The following SOWAHB variants were observed in gnomAD, a reference collection of about 807,000 sequenced individuals.
SOWAHB encodes the protein sosondowah ankyrin repeat domain family member B, also known as ankyrin repeat domain-containing protein SOWAHB.
In SOWAHB, 17 loss-of-function variants were observed where a neutral mutation model predicts 18.3. The observed-to-expected ratio is 0.93, with a 90% confidence interval of 0.64 to 1.40. The LOEUF is 1.40. SOWAHB is among the 40% of genes most tolerant of loss of function. SOWAHB has a pLI of 0.00. For synonymous variants in SOWAHB, 496 were observed against 448.1 expected (o/e 1.11, Z -1.35); for missense variants, 1,126 against 1,033.7 (o/e 1.09, Z -1.22).
chr4:76,894,465 T>C lies in SOWAHB; in HGVS notation c.*1003A>G, dbSNP rs1006032740. On this transcript the variant is annotated 3_prime_UTR_variant, in exon 1 of 1. Transcript: ENST00000334306. ...TTAAAGGCTAATATTTAATCTTAAT[T>C]GGCAACAAGTTTAGTGCAAATACAA... is the stretch of plus-strand genomic sequence containing the variant. Among the ~76,000 whole-genome samples the C allele has an allele frequency of 1.1e-4, 17 of 152,198 alleles. No homozygotes were observed. The highest frequency in any genetic ancestry group is 4.1e-4 in the African/African-American group (17 of 41,454).
At position 76,896,731 on chromosome 4, in the gene SOWAHB, C is replaced by T; in HGVS notation, c.1119G>A (p.Trp373Ter). The change falls in exon 1 of 1, where the codon TGG becomes TGA. Residue 373 changes from tryptophan (W) to a stop codon, truncating the protein, a stop_gained. Coordinates refer to ENST00000334306, the MANE Select transcript of SOWAHB (RefSeq NM_001029870.3). LOFTEE classifies it low-confidence loss of function (END_TRUNC). The stretch of plus-strand genomic sequence containing the variant: ...AGACAGTCAATGAAGGGTTCCCCGC[C>T]CAGGATTCCCAGGACTCATCCGGAA... ...PVVPDESWES[W>*]AGNPSLTVFR... 1 of 1,613,936 alleles carries T rather than the reference C, an allele frequency of 6.2e-7. No homozygotes were observed. The highest frequency in any genetic ancestry group is 8.5e-7 in the Non-Finnish European group (1 of 1,180,014).
rs552512636 is a variant in SOWAHB at position 76,896,156 on chromosome 4, T to G, written c.1694A>C (p.His565Pro). The change falls in exon 1 of 1, where the codon CAC becomes CCC. Residue 565 changes from histidine to proline, a missense_variant. His to Pro is a moderately conservative substitution (Grantham distance 77, BLOSUM62 -2). Coordinates refer to ENST00000334306, the MANE Select transcript of SOWAHB (RefSeq NM_001029870.3). ...CTCCCCACTGGGGACCCACAGGCTG[T>G]GTCGCCAACCCCGCTCGGCCACAAC... ...KAVVAERGWR[H>P]SLWVPSGEGS... The G allele has an allele frequency of 1.3e-6, 2 of 1,559,426 alleles. No homozygotes were observed. Among genetic ancestry groups the G allele is most frequent in the Non-Finnish European group, 1.7e-6 (2 of 1,153,654 alleles).
chr4:76,897,981 A>G lies in SOWAHB; in HGVS notation c.-132T>C, dbSNP rs975170291. Reference sequence around the variant, plus strand: ...CACTAGCCGCCCCCATCAGCCGCGGAGGCCAGCGCTGCCCGCAGCCCGTGA... The same window carrying G: ...CACTAGCCGCCCCCATCAGCCGCGGGGGCCAGCGCTGCCCGCAGCCCGTGA... On this transcript the variant is annotated 5_prime_UTR_variant, in exon 1 of 1. Transcript: ENST00000334306. The surrounding 1 kb of genome is among the most constrained non-coding windows in gnomAD (Gnocchi z 6.4). 499 of 993,304 alleles carry G rather than the reference A, an allele frequency of 5.0e-4. No individual in the cohort carries two copies. Among genetic ancestry groups the G allele is most frequent in the Non-Finnish European group, 7.0e-4 (487 of 698,672 alleles). 61.5% of individuals were successfully genotyped at this position (993,304 alleles called of 1,614,324 possible). A position where few individuals can be genotyped will look rare whatever the true frequency, so the allele number is the denominator to read the frequency against.
chr4:76,896,267 C>G lies in SOWAHB; in HGVS notation c.1583G>C (p.Arg528Pro), dbSNP rs199835098. 6 of 1,604,298 alleles carry G rather than the reference C, an allele frequency of 3.7e-6. No homozygotes were observed. The highest frequency in any genetic ancestry group is 2.2e-5 in the East Asian group (1 of 44,622). Reference sequence around the variant, plus strand: ...TCCTGCCTTGGAGGGCTTCCTGGATCGAGGTGGGCGCCGACTTCTTTTCAG... The same window carrying G: ...TCCTGCCTTGGAGGGCTTCCTGGATGGAGGTGGGCGCCGACTTCTTTTCAG... The part of the protein sequence containing the change: ...GLLKRSRRPP[R>P]SRKPSKAGTA... Residue 528 changes from arginine to proline, a missense_variant, in exon 1 of 1, where the codon CGA becomes CCA. By Grantham distance (103) the Arg-to-Pro change is moderately radical. Coordinates refer to ENST00000334306, the MANE Select transcript of SOWAHB (RefSeq NM_001029870.3).
Position 76,897,523 on chromosome 4 carries a change from G to C in SOWAHB, c.327C>G (p.Gly109=), listed in dbSNP as rs762986991. The C allele has an allele frequency of 7.1e-7, 1 of 1,415,554 alleles. No individual in the cohort carries two copies. The highest frequency in any genetic ancestry group is 1.6e-5 in the South Asian group (1 of 64,446). 87.7% of individuals were successfully genotyped at this position (1,415,554 alleles called of 1,614,324 possible). A position where few individuals can be genotyped will look rare whatever the true frequency, so the allele number is the denominator to read the frequency against. Residue 109 remains glycine (G), a synonymous_variant, in exon 1 of 1, where the codon GGC becomes GGG. Transcript: ENST00000334306. The surrounding 1 kb of genome is among the most constrained non-coding windows in gnomAD (Gnocchi z 6.4). Reference sequence around the variant, plus strand: ...GCTGGGGCGGCTCCCCCCGGCGCGCGCCTCGCGGGGAGCAGGGCGCAGCTC... The same window carrying C: ...GCTGGGGCGGCTCCCCCCGGCGCGCCCCTCGCGGGGAGCAGGGCGCAGCTC... The part of the protein sequence containing the change: ...AGGAAPCSPR[G]ARRGEPPQQQ...
At position 76,896,628 on chromosome 4, in the gene SOWAHB, T is replaced by C. The variant is rs1266045174; in HGVS notation, c.1222A>G (p.Ser408Gly). The change falls in exon 1 of 1, where the codon AGC becomes GGC. Residue 408 changes from serine (S) to glycine (G), a missense_variant. Ser to Gly is a moderately conservative substitution (Grantham distance 56). Transcript: ENST00000334306. Reference protein sequence around the residue: ...VDQESDGSEESSSGPKDSPGA... With the variant: ...VDQESDGSEEGSSGPKDSPGA... The stretch of plus-strand genomic sequence containing the variant: ...GGGGAGTCTTTGGGCCCACTGCTGC[T>C]CTCCTCACTGCCATCACTCTCCTGG... 4 of 1,613,900 alleles carry C rather than the reference T, an allele frequency of 2.5e-6. No homozygotes were observed. Among genetic ancestry groups the C allele is most frequent in the Non-Finnish European group, 2.5e-6 (3 of 1,180,010 alleles).
Position 76,894,405 on chromosome 4 carries a change from T to G in SOWAHB, c.*1063A>C, listed in dbSNP as rs1719862584. ...AAGTTATCGGTCTCTTCAAAAGCAA[T>G]TAAAAAGGAGCACTTCATGTTAGAT... On this transcript the variant is annotated 3_prime_UTR_variant, in exon 1 of 1. Transcript: ENST00000334306. Among the ~76,000 whole-genome samples the G allele has an allele frequency of 6.6e-6, 1 of 152,200 alleles. No homozygotes were observed. Among genetic ancestry groups the G allele is most frequent in the Non-Finnish European group, 1.5e-5 (1 of 68,038 alleles).
rs2109845044 is a variant in SOWAHB, at chr4:76,896,787, A to G, written c.1063T>C (p.Cys355Arg). Reference sequence around the variant, plus strand: ...GGAAAGAGAGAGTGCGAGGAAAGACAGGGGTCTGGCGGCTCTGAATTAGGC... The same window carrying G: ...GGAAAGAGAGAGTGCGAGGAAAGACGGGGGTCTGGCGGCTCTGAATTAGGC... Reference protein sequence around the residue: ...TEPNSEPPDPCLSSHSLFPVV... With the variant: ...TEPNSEPPDPRLSSHSLFPVV... The change falls in exon 1 of 1, where the codon TGT (cysteine) becomes CGT (arginine). Residue 355 changes from cysteine (C) to arginine (R), a missense_variant. Coordinates refer to ENST00000334306, the MANE Select transcript of SOWAHB (RefSeq NM_001029870.3). The G allele has an allele frequency of 1.2e-6, 2 of 1,613,892 alleles. No individual in the cohort carries two copies. The highest frequency in any genetic ancestry group is 1.7e-6 in the Non-Finnish European group (2 of 1,180,016).
In SOWAHB at chr4:76,896,016, C is replaced by T; in HGVS notation, c.1834G>A (p.Val612Met). Residue 612 changes from valine to methionine, a missense_variant, in exon 1 of 1, where the codon GTG (valine) becomes ATG (methionine). Coordinates refer to ENST00000334306, the MANE Select transcript of SOWAHB (RefSeq NM_001029870.3). ...GGGTCCTCCCAGAACAAAGTCCACA[C>T]CTGAATCCAGGAGCCACTGGCAAGC... Reference protein sequence around the residue: ...VKLASGSWIQVWTLFWEDPQL... With the variant: ...VKLASGSWIQMWTLFWEDPQL... 2 of 1,613,112 alleles carry T rather than the reference C, an allele frequency of 1.2e-6. No homozygotes were observed. Among genetic ancestry groups the T allele is most frequent in the Non-Finnish European group, 1.7e-6 (2 of 1,179,736 alleles).
Position 76,897,601 on chromosome 4 carries a change from C to A in SOWAHB, c.249G>T (p.Glu83Asp). ...GCTCGCGGGGTCGCTGCAGCCCCTCCTCCCCCAAAAGGTCCCTGTATCTCC... is the reference window on the plus strand; with the variant it reads ...GCTCGCGGGGTCGCTGCAGCCCCTCATCCCCCAAAAGGTCCCTGTATCTCC... ...LKRRYRDLLGEEGLQRPREPP... is the reference protein window; with the variant it reads ...LKRRYRDLLGDEGLQRPREPP... The change falls in exon 1 of 1, where the codon GAG (glutamate) becomes GAT (aspartate). Residue 83 changes from glutamate (E) to aspartate (D), a missense_variant. Coordinates refer to ENST00000334306, the MANE Select transcript of SOWAHB (RefSeq NM_001029870.3). The surrounding 1 kb of genome is among the most constrained non-coding windows in gnomAD (Gnocchi z 6.4). 1 of 1,609,732 alleles carries A rather than the reference C, an allele frequency of 6.2e-7. No individual in the cohort carries two copies. The highest frequency in any genetic ancestry group is 8.5e-7 in the Non-Finnish European group (1 of 1,179,604).
At position 76,895,419 on chromosome 4, in the gene SOWAHB, T is replaced by A. The variant is rs2109844022; in HGVS notation, c.*49A>T. ...TTCTATTCCCCCTGAATTCTCTCAC[T>A]GAGCAGGATGAGGGAGTGCTGCCTG... On this transcript the variant is annotated 3_prime_UTR_variant, in exon 1 of 1. Transcript: ENST00000334306. The A allele has an allele frequency of 6.7e-7, 1 of 1,495,730 alleles. No homozygotes were observed. Among genetic ancestry groups the A allele is most frequent in the African/African-American group, 1.4e-5 (1 of 71,408 alleles). 92.7% of individuals were successfully genotyped at this position (1,495,730 alleles called of 1,614,324 possible).
Position 76,896,671 on chromosome 4 carries a change from A to G in SOWAHB, c.1179T>C (p.Asp393=). Residue 393 remains aspartate (D), a synonymous_variant, in exon 1 of 1, where the codon GAT becomes GAC. Transcript: ENST00000334306. The part of the protein sequence containing the change: ...RSIRCQLSLQ[D]LDDFVDQESD... ...TCTCCTGGTCCACAAAGTCATCCAG[A>G]TCTTGGAGGGACAGCTGACAACGAA... 1 of 1,614,020 alleles carries G rather than the reference A, an allele frequency of 6.2e-7. No individual in the cohort carries two copies. Among genetic ancestry groups the G allele is most frequent in the South Asian group, 1.1e-5 (1 of 91,080 alleles).
chr4:76,896,299 C>G lies in SOWAHB; in HGVS notation c.1551G>C (p.Glu517Asp). ...GGCGCCGACTTCTTTTCAGCAAGCC[C>G]TCATCGAGGTACTCCTCATCAGAGG... ...LSSSDEEYLD[E>D]GLLKRSRRPP... Residue 517 changes from glutamate to aspartate, a missense_variant, in exon 1 of 1, where the codon GAG (glutamate) becomes GAC (aspartate). Glu to Asp is a conservative substitution (Grantham distance 45, BLOSUM62 2). Transcript: ENST00000334306. 6.2e-7 allele frequency: 1 copy of G among 1,609,056 alleles called. No homozygotes were observed. Among genetic ancestry groups the G allele is most frequent in the Non-Finnish European group, 8.5e-7 (1 of 1,176,658 alleles).
chr4:76,897,211 G>T lies in SOWAHB; in HGVS notation c.639C>A (p.Gly213=). 3 of 1,582,090 alleles carry T rather than the reference G, an allele frequency of 1.9e-6. No individual in the cohort carries two copies. The highest frequency in any genetic ancestry group is 2.3e-5 in the East Asian group (1 of 44,156). The part of the protein sequence containing the change: ...NNLAVLPGEL[G]ALPHSATAEE... The stretch of plus-strand genomic sequence containing the variant: ...CCGCGGTGGCCGAGTGCGGGAGTGC[G>T]CCGAGCTCTCCCGGCAGTACAGCCA... The change falls in exon 1 of 1, where the codon GGC becomes GGA. Residue 213 remains glycine (G), a synonymous_variant. Coordinates refer to ENST00000334306, the MANE Select transcript of SOWAHB (RefSeq NM_001029870.3). This position sits in a 1 kb window ranked among gnomAD's most constrained non-coding sequence, Gnocchi z 6.4.
At position 76,897,190 on chromosome 4, in the gene SOWAHB, G is replaced by A. The variant is rs769737922; in HGVS notation, c.660C>T (p.Thr220=). The A allele has an allele frequency of 1.3e-6, 2 of 1,578,592 alleles. No individual in the cohort carries two copies. The highest frequency in any genetic ancestry group is 1.1e-5 in the South Asian group (1 of 87,460). ...GELGALPHSA[T]AEEKPARALP... is the part of the protein sequence containing the mutation. ...GAGCCCGTGCCGGCTTCTCCTCCGC[G>A]GTGGCCGAGTGCGGGAGTGCGCCGA... The change falls in exon 1 of 1, where the codon ACC becomes ACT. Residue 220 remains threonine (T), a synonymous_variant. Transcript: ENST00000334306. This position sits in a 1 kb window ranked among gnomAD's most constrained non-coding sequence, Gnocchi z 6.4.
Position 76,895,815 on chromosome 4 carries a change from T to C in SOWAHB, c.2035A>G (p.Ile679Val), listed in dbSNP as rs1719896261. 6.2e-7 allele frequency: 1 copy of C among 1,614,142 alleles called. No homozygotes were observed. The highest frequency in any genetic ancestry group is 1.3e-5 in the African/African-American group (1 of 74,942). ...TTGATGACCCCCTGGTGGCCGTGAA[T>C]GGCTGCAAGGTGCAGCGGGGTATAT... ...CGYTPLHLAAIHGHQGVIKLL... is the reference protein window; with the variant it reads ...CGYTPLHLAAVHGHQGVIKLL... The change falls in exon 1 of 1, where the codon ATT (isoleucine) becomes GTT (valine). Residue 679 changes from isoleucine to valine, a missense_variant. Coordinates refer to ENST00000334306, the MANE Select transcript of SOWAHB (RefSeq NM_001029870.3).
In SOWAHB at chr4:76,896,744, G is replaced by A. The variant is rs1719924777; in HGVS notation, c.1106C>T (p.Ser369Phe). 1.9e-6 allele frequency: 3 copies of A among 1,613,764 alleles called. No homozygotes were observed. The highest frequency in any genetic ancestry group is 2.2e-5 in the South Asian group (2 of 91,082). The change falls in exon 1 of 1, where the codon TCC becomes TTC. Residue 369 changes from serine (S) to phenylalanine (F), a missense_variant. Transcript: ENST00000334306. ...HSLFPVVPDE[S>F]WESWAGNPSL... ...AGGGTTCCCCGCCCAGGATTCCCAGGACTCATCCGGAACAACAGGAAAGAG... is the reference window on the plus strand; with the variant it reads ...AGGGTTCCCCGCCCAGGATTCCCAGAACTCATCCGGAACAACAGGAAAGAG...
chr4:76,897,197 G>A lies in SOWAHB; in HGVS notation c.653C>T (p.Ser218Leu). Residue 218 changes from serine (S) to leucine (L), a missense_variant, in exon 1 of 1, where the codon TCG (serine) becomes TTG (leucine). By Grantham distance (145) the Ser-to-Leu change is moderately radical. Coordinates refer to ENST00000334306, the MANE Select transcript of SOWAHB (RefSeq NM_001029870.3). This position sits in a 1 kb window ranked among gnomAD's most constrained non-coding sequence, Gnocchi z 6.4. ...LPGELGALPH[S>L]ATAEEKPARA... ...TGCCGGCTTCTCCTCCGCGGTGGCC[G>A]AGTGCGGGAGTGCGCCGAGCTCTCC... The A allele has an allele frequency of 6.3e-7, 1 of 1,580,286 alleles. No individual in the cohort carries two copies. The highest frequency in any genetic ancestry group is 8.5e-7 in the Non-Finnish European group (1 of 1,171,638).
At position 76,897,280 on chromosome 4, in the gene SOWAHB, C is replaced by T. The variant is rs1190498349; in HGVS notation, c.570G>A (p.Ala190=). 1.3e-6 allele frequency: 2 copies of T among 1,548,190 alleles called. No homozygotes were observed. The highest frequency in any genetic ancestry group is 2.7e-5 in the African/African-American group (2 of 73,652). Residue 190 remains alanine (A), a synonymous_variant, in exon 1 of 1, where the codon GCG becomes GCA. Transcript: ENST00000334306. This position sits in a 1 kb window ranked among gnomAD's most constrained non-coding sequence, Gnocchi z 6.4. ...GAQARASCAA[A]KTQGRCCWEC... ...CCCAGCAGCAGCGGCCCTGCGTCTTCGCCGCCGCGCAGCTCGCTCTCGCCT... is the reference window on the plus strand; with the variant it reads ...CCCAGCAGCAGCGGCCCTGCGTCTTTGCCGCCGCGCAGCTCGCTCTCGCCT...
Sources: allele counts gnomAD v4.1 joint callset (sites outside exome capture counted in the v4.1 genomes callset), GRCh38; gene constraint gnomAD v4.1.1; non-coding constraint Gnocchi (gnomAD v3.1); transcripts MANE v1.5; gene names NCBI Gene and HGNC (gene_info 2026-07-23, HGNC 2026-07-21).